ELP5: variants seen among roughly 807,000 people sequenced by gnomAD.
ELP5 encodes the protein elongator complex protein 5.
ELP5 carries 34 observed loss-of-function variants against 33.4 expected under a neutral mutation model. The observed-to-expected ratio is 1.02, with a 90% CI of 0.78 to 1.36. ELP5 has a LOEUF of 1.36. ELP5 is among the 40% of genes most tolerant of loss of function. ELP5 has a pLI of 0.00. For synonymous variants in ELP5, 161 were observed against 146.4 expected (o/e 1.10, Z -0.72); for missense variants, 373 against 371.7 (o/e 1.00, Z -0.03).
intron 3 of ELP5, among the ~76,000 whole-genome samples, chr17:7,254,203 G>T (rs2072019954): frequency 6.6e-6 from 1 of 152,118 alleles, no homozygotes; most frequent in Admixed American, 6.5e-5. Flanking sequence ...TTCACCCAGG[G>T]TGATAATCTT....
rs887643563 is a variant in ELP5, at chr17:7,254,494, G to A, written c.189-89G>A. 23 of 924,210 alleles carry A rather than the reference G, an allele frequency of 2.5e-5. No individual in the cohort carries two copies. The Admixed American group carries it at 6.2e-4, about 25-fold the overall frequency. 57.3% of individuals were successfully genotyped at this position (924,210 alleles called of 1,614,324 possible). On this transcript the variant is annotated intron_variant, in intron 3 of 7. Coordinates refer to ENST00000396628, the MANE Select transcript of ELP5 (RefSeq NM_203414.3). Reference sequence around the variant, plus strand: ...TATTTAGGATATTCATAAAAATTGAGAAAACAGCCATAAAGATCAGAGGAT... The same window carrying A: ...TATTTAGGATATTCATAAAAATTGAAAAAACAGCCATAAAGATCAGAGGAT...
chr17:7,259,119 C>G, intron 7 of ELP5, 193 bp downstream of exon 7: 2 of 1,439,550 alleles, frequency 1.4e-6, no homozygotes, highest in Non-Finnish European at 1.8e-6. Context: ...TTTTCTCTCC[C>G]TTATACCCTT....
At chr17:7,253,141 C>T (rs2071990526) in intron 3 of ELP5, 143 bp downstream of exon 3, 2 of 774,502 alleles carry the variant, frequency 2.6e-6, no homozygotes, top group Non-Finnish European at 2.2e-6. Context: ...TTTCAGGAGG[C>T]AAGAATTAAT....
chr17:7,257,142 A>G (rs918053098), intron 5 of ELP5, 104 bp downstream of exon 5: 3 of 1,303,128 alleles, frequency 2.3e-6, no homozygotes, highest in Non-Finnish European at 3.0e-6. Flanking sequence ...GACTTTAAAA[A>G]CAAACTTTTT....
At chr17:7,253,109 A>G in intron 3 of ELP5, 111 bp downstream of exon 3, 1 of 1,026,752 alleles carries the variant, frequency 9.7e-7, no homozygotes. Context: ...TTAAATATTC[A>G]TTGAAGAATT....
chr17:7,258,803 GGCA>G lies in ELP5; in HGVS notation c.688-19_688-17del. 2 of 1,614,132 alleles carry G rather than the reference GGCA, an allele frequency of 1.2e-6. No individual in the cohort carries two copies. Among genetic ancestry groups the G allele is most frequent in the Non-Finnish European group, 1.7e-6 (2 of 1,180,012 alleles). ...AGGGATTCTAGGGATGGGGCAGAGTGGCAGCATCCTTTGTACCTACAGGTGGAT... is the reference window on the plus strand; with the variant it reads ...AGGGATTCTAGGGATGGGGCAGAGTGGCATCCTTTGTACCTACAGGTGGAT... On this transcript the variant is annotated intron_variant, in intron 6 of 7. Coordinates refer to ENST00000396628, the MANE Select transcript of ELP5 (RefSeq NM_203414.3).
Position 7,257,009 on chromosome 17 carries a change from CGGA to C in ELP5, c.565_567del (p.Arg189del). 6.2e-7 allele frequency: 1 copy of C among 1,602,580 alleles called. No individual in the cohort carries two copies. The highest frequency in any genetic ancestry group is 8.5e-7 in the Non-Finnish European group (1 of 1,175,764). On this transcript the variant is annotated inframe_deletion, in exon 5 of 8. Transcript: ENST00000396628. ...CCAGGCCTCGGCCCACATCCTGTGT[CGGA>C]GGCCCCGACAGCGCCCAACTGACCA...
chr17:7,256,706 G>A, intron 4 of ELP5, 151 bp from the exon 5 acceptor site: 1 of 684,654 alleles, frequency 1.5e-6, no homozygotes, highest in Non-Finnish European at 2.5e-6. Context: ...GGCTGGAGGA[G>A]GCTCAGAGCA....
At chr17:7,257,431 G>GT (rs5819151) in intron 5 of ELP5, among the ~76,000 whole-genome samples, 152 of 139,112 alleles carry the variant, frequency 1.1e-3, no homozygotes, top group South Asian at 2.9e-3. Context: ...TTCCCTTGGA[G>GT]TTTTTTTTTT....
Position 7,252,374 on chromosome 17 carries a change from T to TCCGCGTGAGCGCCCC in ELP5, c.-174_-160dup, listed in dbSNP as rs1211488151. The TCCGCGTGAGCGCCCC allele has an allele frequency of 3.1e-6, 3 of 970,992 alleles. No individual in the cohort carries two copies. The East Asian group carries it at 7.9e-5, about 25-fold the overall frequency. 60.1% of individuals were successfully genotyped at this position (970,992 alleles called of 1,614,324 possible). A position where few individuals can be genotyped will look rare whatever the true frequency, so the allele number is the denominator to read the frequency against. ...CGCCAGGGCTCGGGGAGGGGCGCCC[T>TCCGCGTGAGCGCCCC]CCGCGTGAGCGCCCCCCTGGGAATA... On this transcript the variant is annotated 5_prime_UTR_variant, in exon 1 of 8. Coordinates refer to ENST00000396628, the MANE Select transcript of ELP5 (RefSeq NM_203414.3).
At position 7,259,588 on chromosome 17, in the gene ELP5, G is replaced by A. The variant is rs750522156; in HGVS notation, c.806G>A (p.Arg269Gln). 2.1e-5 allele frequency: 34 copies of A among 1,614,058 alleles called. No homozygotes were observed. The South Asian group carries it at 2.3e-4, about 11-fold the overall frequency. Residue 269 changes from arginine (R) to glutamine (Q), a missense_variant, in exon 8 of 8, where the codon CGG (arginine) becomes CAG (glutamine). Transcript: ENST00000396628. ...FSSEKQQALL[R>Q]PRPGQATSHI... ...CTTCTCAGACAGCAGGCTCTCCTGC[G>A]GCCTAGGCCAGGGCAGGCTACCAGC...
chr17:7,252,893 C>G, intron 2 of ELP5, 25 bp from the exon 3 acceptor site: 4 of 1,614,188 alleles, frequency 2.5e-6, no homozygotes, highest in Non-Finnish European at 3.4e-6. Context: ...CACTCTTTGA[C>G]AATCCCTTCT....
intron 5 of ELP5, among the ~76,000 whole-genome samples, chr17:7,257,423 C>G (rs1169320276): frequency 1.5e-5 from 2 of 136,958 alleles, no homozygotes; most frequent in Non-Finnish European, 1.5e-5. Context: ...GGGTTTTATT[C>G]CCTTGGAGTT....
upstream of ELP5, chr17:7,252,190 C>G (rs62059171): frequency 3.1e-3 from 1,196 of 383,866 alleles, 20 homozygotes; most frequent in African/African-American, 0.023. Context: ...CCGCCTCAAA[C>G]TGCGTGGGCG....
intron 5 of ELP5, 124 bp from the exon 6 acceptor site, chr17:7,258,464 A>AAT: frequency 4.5e-6 from 4 of 896,312 alleles, no homozygotes; most frequent in Non-Finnish European, 6.8e-6. Flanking sequence ...AAAAAAAAAA[A>AAT]GTTGAGGGCA....
intron 3 of ELP5, 23 bp from the exon 4 acceptor site, chr17:7,254,560 T>A: frequency 6.4e-7 from 1 of 1,572,180 alleles, no homozygotes; most frequent in Non-Finnish European, 8.7e-7. Context: ...AATATTATAT[T>A]GTGTCTTATT....
At chr17:7,259,053 G>GT in intron 7 of ELP5, 127 bp downstream of exon 7, 1 of 1,492,714 alleles carries the variant, frequency 6.7e-7, no homozygotes, top group Non-Finnish European at 8.9e-7. Flanking sequence ...CCAGAGACAA[G>GT]TCCAAGTTCT....
rs1433194553 is a variant in ELP5, at chr17:7,256,932, G to T, written c.485G>T (p.Gly162Val). 3.7e-6 allele frequency: 6 copies of T among 1,613,954 alleles called. No individual in the cohort carries two copies. In the African/African-American group the frequency reaches 5.3e-5, roughly 14 times the overall value. The stretch of plus-strand genomic sequence containing the variant: ...GAGCTTCATGGACCAGGCCCTGTGG[G>T]AGCTCTCAGCAGCCTTGCTCAGACT... ...HEELHGPGPV[G>V]ALSSLAQTEV... is the part of the protein sequence containing the mutation. The change falls in exon 5 of 8, where the codon GGA (glycine) becomes GTA (valine). Residue 162 changes from glycine to valine, a missense_variant. Physicochemically the swap from Gly to Val is moderately radical, Grantham distance 109. Coordinates refer to ENST00000396628, the MANE Select transcript of ELP5 (RefSeq NM_203414.3).
chr17:7,253,317 T>C (rs1378514155), intron 3 of ELP5, among the ~76,000 whole-genome samples: 2 of 152,198 alleles, frequency 1.3e-5, no homozygotes, highest in African/African-American at 2.4e-5. Flanking sequence ...ATCAACCAGG[T>C]GCTGTGCAAG....
Sources: allele counts gnomAD v4.1 joint callset (sites outside exome capture counted in the v4.1 genomes callset), GRCh38; gene constraint gnomAD v4.1.1; transcripts MANE v1.5; gene names NCBI Gene and HGNC (gene_info 2026-07-23, HGNC 2026-07-21).